Variants in MLXIP observed in about 807,000 individuals in gnomAD.
MLXIP encodes the protein MLX interacting protein.
Under a neutral mutation model 87.2 loss-of-function variants are expected in MLXIP, and 30 were observed. The observed-to-expected ratio is 0.34, with a 90% CI of 0.26 to 0.47. The LOEUF is 0.47. Among genes scored for constraint, MLXIP ranks in the 20% least tolerant of loss-of-function variants. The probability of loss-of-function intolerance (pLI) is 1.00; values close to 1 mark genes in which losing one functional copy is unlikely to be tolerated. For missense variants in MLXIP, 1,002 were observed against 1,240.1 expected (o/e 0.81, Z 2.88); for synonymous variants, 530 against 514.0 (o/e 1.03, Z -0.42).
chr12:122,135,209 T>C lies in MLXIP; in HGVS notation c.1733-15T>C. The C allele has an allele frequency of 1.9e-6, 3 of 1,612,182 alleles. No homozygotes were observed. Among genetic ancestry groups the C allele is most frequent in the South Asian group, 2.2e-5 (2 of 90,756 alleles). Reference sequence around the variant, plus strand: ...GGCCCAGGGCTGCACCTGAACATCCTCCTTATCCTGGCAGCTGCCTTTTCA... The same window carrying C: ...GGCCCAGGGCTGCACCTGAACATCCCCCTTATCCTGGCAGCTGCCTTTTCA... On this transcript the variant is annotated splice_polypyrimidine_tract_variant and intron_variant, in intron 9 of 16. Transcript: ENST00000319080. The surrounding 1 kb of genome is among the most constrained non-coding windows in gnomAD (Gnocchi z 5.3).
At chr12:122,108,643 T>G (rs1209516540) in intron 1 of MLXIP, among the ~76,000 whole-genome samples, 1 of 152,078 alleles carries the variant, frequency 6.6e-6, no homozygotes, top group Non-Finnish European at 1.5e-5. Context: ...ACACAAAATC[T>G]CCTTCCCATG....
intron 1 of MLXIP, among the ~76,000 whole-genome samples, chr12:122,104,610 C>T (rs1952492221): frequency 7.9e-6 from 1 of 126,904 alleles, no homozygotes; most frequent in Non-Finnish European, 1.6e-5. Flanking sequence ...GACGGAGTCT[C>T]ACTGTCTCGC....
chr12:122,121,009 G>GTTTTTTTTTTTTTTT lies in MLXIP; in HGVS notation c.414-6247_414-6246insTTTTTTTTTTTTTTT, dbSNP rs776332981. Among the ~76,000 whole-genome samples the GTTTTTTTTTTTTTTT allele has an allele frequency of 1.7e-4, 17 of 102,196 alleles. 1 individual carries two copies. Among genetic ancestry groups the GTTTTTTTTTTTTTTT allele is most frequent in the Middle Eastern group, 5.3e-3 (1 of 190 alleles). The allele number at this position is 102,196 out of a possible 152,430, so 67.0% of individuals were successfully genotyped here. On this transcript the variant is annotated intron_variant, in intron 1 of 16. Transcript: ENST00000319080. ...TAGCCCCAGAGCCCTCTGCATGCTT[G>GTTTTTTTTTTTTTTT]GTTTTTTTTTTTTTTTTTTGAAACG...
chr12:122,108,126 T>A (rs1952549316), intron 1 of MLXIP, among the ~76,000 whole-genome samples: 1 of 151,824 alleles, frequency 6.6e-6, no homozygotes, highest in Non-Finnish European at 1.5e-5. Context: ...TCCCAGCACT[T>A]TGGGAGGCTG....
chr12:122,094,290 GGT>G (rs1383328770), intron 1 of MLXIP, among the ~76,000 whole-genome samples: 5 of 143,630 alleles, frequency 3.5e-5, no homozygotes, highest in African/African-American at 1.0e-4. Flanking sequence ...GTCTGTGTGT[GGT>G]GTGATGGTGT....
intron 1 of MLXIP, among the ~76,000 whole-genome samples, chr12:122,086,069 C>T (rs1402169601): frequency 6.6e-6 from 1 of 152,106 alleles, no homozygotes; most frequent in East Asian, 1.9e-4. Context: ...CTGCTGTTGG[C>T]AGCTTTGAAG....
intron 1 of MLXIP, among the ~76,000 whole-genome samples, chr12:122,084,854 C>T (rs377019677): frequency 6.6e-6 from 1 of 152,090 alleles, no homozygotes; most frequent in East Asian, 1.9e-4. Flanking sequence ...GGCCTCTTAA[C>T]GTGATCTTAA....
intron 1 of MLXIP, among the ~76,000 whole-genome samples, chr12:122,087,343 T>C (rs1211778043): frequency 6.6e-6 from 1 of 151,140 alleles, no homozygotes; most frequent in Non-Finnish European, 1.5e-5. Flanking sequence ...GGTCTTATAT[T>C]GTGAGTGCAG....
intron 1 of MLXIP, among the ~76,000 whole-genome samples, chr12:122,125,802 C>T (rs765055797): frequency 2.6e-5 from 4 of 152,224 alleles, no homozygotes; most frequent in Non-Finnish European, 5.9e-5. Context: ...GGAGTCATAA[C>T]CTTCTGGCCT....
At chr12:122,110,603 T>G (rs1179207933) in intron 1 of MLXIP, among the ~76,000 whole-genome samples, 1 of 151,600 alleles carries the variant, frequency 6.6e-6, no homozygotes, top group Non-Finnish European at 1.5e-5. Flanking sequence ...ACGCTTATCT[T>G]TACCAAAAAA....
chr12:122,135,761 G>C lies in MLXIP; in HGVS notation c.2032+95G>C. On this transcript the variant is annotated intron_variant, in intron 11 of 16. Transcript: ENST00000319080. The surrounding 1 kb of genome is among the most constrained non-coding windows in gnomAD (Gnocchi z 5.3). ...GGGGTGCTTGCTGGGTCCCCAGGACGGAGCCTGGGCTTAGGACACACAGTG... is the reference window on the plus strand; with the variant it reads ...GGGGTGCTTGCTGGGTCCCCAGGACCGAGCCTGGGCTTAGGACACACAGTG... 7.3e-7 allele frequency: 1 copy of C among 1,372,006 alleles called. No homozygotes were observed. Among genetic ancestry groups the C allele is most frequent in the South Asian group, 1.5e-5 (1 of 65,904 alleles). 85.0% of individuals were successfully genotyped at this position (1,372,006 alleles called of 1,614,324 possible).
At chr12:122,121,016 T>TTTTTTTG (rs1952774078) in intron 1 of MLXIP, among the ~76,000 whole-genome samples, 1 of 134,630 alleles carries the variant, frequency 7.4e-6, no homozygotes, top group South Asian at 2.5e-4. Context: ...CTTGGTTTTT[T>TTTTTTTG]TTTTTTTTTT....
At chr12:122,084,790 G>A (rs1176389009) in intron 1 of MLXIP, among the ~76,000 whole-genome samples, 1 of 152,040 alleles carries the variant, frequency 6.6e-6, no homozygotes, top group Non-Finnish European at 1.5e-5. Flanking sequence ...TCAAGTGATC[G>A]GCCAGTCTCG....
intron 1 of MLXIP, among the ~76,000 whole-genome samples, chr12:122,105,492 C>T (rs1265713327): frequency 2.0e-5 from 3 of 151,880 alleles, no homozygotes; most frequent in African/African-American, 2.4e-5. Context: ...GGATTACAGC[C>T]GTGCCCGGCT....
In MLXIP at chr12:122,133,716, G is replaced by A. The variant is rs376709770; in HGVS notation, c.1461G>A (p.Thr487=). The change falls in exon 9 of 17, where the codon ACG becomes ACA. Residue 487 remains threonine, a synonymous_variant. Transcript: ENST00000319080. The surrounding 1 kb of genome is among the most constrained non-coding windows in gnomAD (Gnocchi z 4.9). ...AAGCGCCGTCTGTCATCACCCACACGGCCTCTGCCACCCTCACCCACGATG... is the reference window on the plus strand; with the variant it reads ...AAGCGCCGTCTGTCATCACCCACACAGCCTCTGCCACCCTCACCCACGATG... ...VNKAPSVITH[T]ASATLTHDAP... The A allele has an allele frequency of 7.7e-5, 124 of 1,613,502 alleles. No homozygotes were observed. Among genetic ancestry groups the A allele is most frequent in the Middle Eastern group, 1.6e-4 (1 of 6,062 alleles).
intron 1 of MLXIP, among the ~76,000 whole-genome samples, chr12:122,123,628 G>A (rs1240169653): frequency 6.6e-6 from 1 of 152,172 alleles, no homozygotes; most frequent in African/African-American, 2.4e-5. Flanking sequence ...AAAGCTGTTG[G>A]TATGACACCC....
chr12:122,115,370 C>T (rs1952674047), intron 1 of MLXIP, among the ~76,000 whole-genome samples: 1 of 151,678 alleles, frequency 6.6e-6, no homozygotes, highest in African/African-American at 2.4e-5. Flanking sequence ...GGTGGATCAC[C>T]TGAGGTCGGG....
At chr12:122,131,374 C>T (rs1952974928) in intron 7 of MLXIP, among the ~76,000 whole-genome samples, 1 of 151,664 alleles carries the variant, frequency 6.6e-6, no homozygotes, top group South Asian at 2.1e-4. Flanking sequence ...CAGGGTAATA[C>T]CCTCTGTCCA....
At chr12:122,092,635 G>A (rs1952263770) in intron 1 of MLXIP, among the ~76,000 whole-genome samples, 1 of 152,006 alleles carries the variant, frequency 6.6e-6, no homozygotes. Context: ...TGAAATTCTT[G>A]GACTATAGGT....
Sources: gnomAD v4.1 joint callset for allele counts (sites outside exome capture counted in the v4.1 genomes callset) on GRCh38, gnomAD v4.1.1 for gene constraint, Gnocchi (gnomAD v3.1) non-coding constraint, MANE v1.5 for transcripts, NCBI Gene and HGNC (gene_info 2026-07-23, HGNC 2026-07-21) for gene names.